Variants in TPO observed in about 807,000 individuals in gnomAD.
The protein encoded by TPO is thyroid microsomal antigen.
A neutral mutation model predicts 96.9 loss-of-function variants in TPO; 78 were observed. That is an observed-to-expected ratio of 0.81 (90% CI 0.67 to 0.97). The LOEUF is 0.97. Ranked by LOEUF, TPO falls within the 50% of genes least tolerant of loss-of-function variation. The pLI, the probability that TPO is intolerant of heterozygous loss-of-function variation, is 0.00. For missense variants in TPO, 1,252 were observed against 1,274.8 expected, an observed-to-expected ratio of 0.98 and a Z score of 0.27; for synonymous variants, 547 against 538.0, an observed-to-expected ratio of 1.02 and a Z score of -0.23.
intron 1 of TPO, among the ~76,000 whole-genome samples, chr2:1,392,328 C>T (rs934283721): frequency 1.6e-4 from 25 of 152,088 alleles, no homozygotes; most frequent in Non-Finnish European, 1.3e-4. Flanking sequence ...ATATGTTGAA[C>T]GAGCCTTGCA....
At chr2:1,518,597 A>G (rs1390617908) in intron 15 of TPO, among the ~76,000 whole-genome samples, 1 of 152,244 alleles carries the variant, frequency 6.6e-6, no homozygotes, top group East Asian at 1.9e-4. Flanking sequence ...GCATGAGCTT[A>G]TGATCTATCC....
chr2:1,498,966 C>T (rs28912986), intron 13 of TPO, among the ~76,000 whole-genome samples: 2,168 of 151,594 alleles, frequency 0.014, 28 homozygotes, highest in Middle Eastern at 0.056. Flanking sequence ...TAGCATGTTG[C>T]GTGTTCTACG....
At chr2:1,497,553 T>C (rs961687471) in intron 13 of TPO, among the ~76,000 whole-genome samples, 1 of 152,164 alleles carries the variant, frequency 6.6e-6, no homozygotes, top group African/African-American at 2.4e-5. Context: ...ACTTCAGAAC[T>C]GCCCTGCCAC....
At chr2:1,482,700 G>A (rs1333394666) in intron 8 of TPO, among the ~76,000 whole-genome samples, 2 of 152,188 alleles carry the variant, frequency 1.3e-5, no homozygotes, top group African/African-American at 4.8e-5. Flanking sequence ...TTTTGAGAAA[G>A]CATCTCCTCT....
At chr2:1,505,838 T>G (rs1429443348) in intron 14 of TPO, among the ~76,000 whole-genome samples, 2 of 121,790 alleles carry the variant, frequency 1.6e-5, no homozygotes, top group East Asian at 4.7e-4. Context: ...CTTGTGGCTT[T>G]CTTTTTGGCA....
chr2:1,523,345 T>C (rs1573534376), intron 15 of TPO, among the ~76,000 whole-genome samples: 1 of 69,182 alleles, frequency 1.4e-5, no homozygotes, highest in Non-Finnish European at 2.7e-5. Flanking sequence ...GTGTGCAACT[T>C]CCCTAAATCC....
intron 2 of TPO, among the ~76,000 whole-genome samples, 163 bp from the exon 3 acceptor site, chr2:1,422,882 T>C (rs1377678163): frequency 6.6e-6 from 1 of 152,098 alleles, no homozygotes; most frequent in East Asian, 1.9e-4. Context: ...AGCGGGGAAG[T>C]GAAGGCCTGT....
At chr2:1,400,161 T>C (rs186612088) in intron 1 of TPO, among the ~76,000 whole-genome samples, 60 of 152,208 alleles carry the variant, frequency 3.9e-4, no homozygotes, top group Middle Eastern at 3.4e-3. Flanking sequence ...TCCTAGGTTA[T>C]AAAAAAATAC....
chr2:1,414,890 C>A (rs576743299), intron 2 of TPO, among the ~76,000 whole-genome samples: 1 of 152,356 alleles, frequency 6.6e-6, no homozygotes, highest in African/African-American at 2.4e-5. Context: ...TACTGAGATG[C>A]AGTGGTTAAA....
At chr2:1,390,779 G>A (rs1349196385) in intron 1 of TPO, among the ~76,000 whole-genome samples, 1 of 152,178 alleles carries the variant, frequency 6.6e-6, no homozygotes, top group South Asian at 2.1e-4. Flanking sequence ...TTTCTCTGAT[G>A]AACAGTGACA....
At chr2:1,479,283 CCCCTTCCCTGACTGCGACCT>C (rs1670310456) in intron 8 of TPO, among the ~76,000 whole-genome samples, 1 of 152,208 alleles carries the variant, frequency 6.6e-6, no homozygotes, top group Non-Finnish European at 1.5e-5. Flanking sequence ...TGCTTCTGTG[CCCCTTCCCTGACTGCGACCT>C]CCACGGGCAG....
intron 7 of TPO, among the ~76,000 whole-genome samples, chr2:1,475,659 G>A (rs900855159): frequency 2.6e-5 from 4 of 152,022 alleles, no homozygotes; most frequent in East Asian, 1.9e-4. Flanking sequence ...TCCTGACCTC[G>A]TGATCCGCCC....
At chr2:1,463,263 G>A (rs577015888) in intron 7 of TPO, among the ~76,000 whole-genome samples, 37 of 152,272 alleles carry the variant, frequency 2.4e-4, no homozygotes, top group African/African-American at 8.9e-4. Context: ...GCAGCCTTCA[G>A]TAGTTGAGTG....
At chr2:1,516,737 C>A in intron 14 of TPO, 146 bp from the exon 15 acceptor site, 1 of 736,578 alleles carries the variant, frequency 1.4e-6, no homozygotes, top group South Asian at 1.5e-5. Context: ...CTTTTCTGGG[C>A]AGATAAATGT....
chr2:1,475,366 C>T (rs1252892429), intron 7 of TPO, among the ~76,000 whole-genome samples: 1 of 151,810 alleles, frequency 6.6e-6, no homozygotes, highest in African/African-American at 2.4e-5. Context: ...GTACTCACCT[C>T]GTCTACTCTA....
chr2:1,540,808 C>G (rs1487829066), intron 16 of TPO, 85 bp downstream of exon 16: 1 of 1,608,278 alleles, frequency 6.2e-7, no homozygotes, highest in South Asian at 1.1e-5. Flanking sequence ...TGCTGGGGCT[C>G]CCTGCATATT....
rs77661840 is a variant in TPO at position 1,512,402 on chromosome 2, G to A, written c.2519-4481G>A. The A allele has an allele frequency of 2.3e-3, 2,223 of 985,354 alleles. 26 individuals are homozygous for A. In the African/African-American group the frequency reaches 0.036, roughly 16 times the overall value. 61.0% of individuals were successfully genotyped at this position (985,354 alleles called of 1,614,324 possible). A position where few individuals can be genotyped will look rare whatever the true frequency, so the allele number is the denominator to read the frequency against. ...ATCTGCCTCTCCAGATCCTGCCCCCGCCAAGGGCGTCCGAGAGAGCCCCTG... is the reference window on the plus strand; with the variant it reads ...ATCTGCCTCTCCAGATCCTGCCCCCACCAAGGGCGTCCGAGAGAGCCCCTG... On this transcript the variant is annotated intron_variant, in intron 14 of 16. Transcript: ENST00000329066.
chr2:1,390,163 CCCCCAGCT>C (rs1046732960), intron 1 of TPO, among the ~76,000 whole-genome samples: 2 of 93,082 alleles, frequency 2.1e-5, no homozygotes, highest in African/African-American at 4.7e-4. Flanking sequence ...ATGCTATCCC[CCCCCAGCT>C]CCCCAGCCTC....
At chr2:1,521,242 C>T (rs969724201) in intron 15 of TPO, among the ~76,000 whole-genome samples, 3 of 152,198 alleles carry the variant, frequency 2.0e-5, no homozygotes, top group African/African-American at 4.8e-5. Flanking sequence ...GTTTGTCCTC[C>T]GTCCAGGACG....
Sources: gnomAD v4.1 joint callset for allele counts (sites outside exome capture counted in the v4.1 genomes callset) on GRCh38, gnomAD v4.1.1 for gene constraint, MANE v1.5 for transcripts, NCBI Gene and HGNC (gene_info 2026-07-23, HGNC 2026-07-21) for gene names.